The following CHST3 variants were observed in gnomAD, a reference collection of about 807,000 sequenced individuals.
CHST3 encodes the protein carbohydrate sulfotransferase 3, also known as C6ST-1.
CHST3 carries 20 observed loss-of-function variants against 35.4 expected under a neutral mutation model. The observed-to-expected ratio is 0.57, with a 90% CI of 0.40 to 0.82. The LOEUF (loss-of-function observed/expected upper bound fraction) is 0.82. CHST3 is among the 40% of genes least tolerant of loss of function. The pLI, the probability that CHST3 is intolerant of heterozygous loss-of-function variation, is 0.00. For missense variants in CHST3, 693 were observed against 670.1 expected, an observed-to-expected ratio of 1.03 and a Z score of -0.38; for synonymous variants, 334 against 295.9, an observed-to-expected ratio of 1.13 and a Z score of -1.32.
chr10:72,002,062 C>G (rs939597005), intron 1 of CHST3, among the ~76,000 whole-genome samples: 1 of 152,190 alleles, frequency 6.6e-6, no homozygotes, highest in South Asian at 2.1e-4. Context: ...ACCCTCTCCC[C>G]GCTTCTGGCT....
intron 1 of CHST3, among the ~76,000 whole-genome samples, chr10:71,971,964 A>G (rs1318881926): frequency 6.6e-6 from 1 of 152,056 alleles, no homozygotes; most frequent in East Asian, 1.9e-4. Context: ...GAGACATGCT[A>G]TTTCTCTTTC....
intron 1 of CHST3, among the ~76,000 whole-genome samples, chr10:71,985,717 A>AT (rs1839841659): frequency 1.3e-5 from 2 of 152,116 alleles, no homozygotes; most frequent in Admixed American, 6.6e-5. Context: ...GTAGATTCAC[A>AT]CGCAATTTTA....
Position 72,007,599 on chromosome 10 carries a change from G to A in CHST3, c.568G>A (p.Asp190Asn), listed in dbSNP as rs1840055638. 2.5e-6 allele frequency: 4 copies of A among 1,609,780 alleles called. No individual in the cohort carries two copies. Among genetic ancestry groups the A allele is most frequent in the East Asian group, 2.2e-5 (1 of 44,856 alleles). The change falls in exon 3 of 3, where the codon GAC (aspartate) becomes AAC (asparagine). Residue 190 changes from aspartate to asparagine, a missense_variant. Coordinates refer to ENST00000373115, the MANE Select transcript of CHST3 (RefSeq NM_004273.5). ...NAAGSALVYR[D>N]VLKQLFLCDL... ...CGCGGGCTCGGCCCTGGTGTACCGC[G>A]ACGTGCTCAAGCAGCTCTTCCTGTG...
chr10:71,999,629 G>A (rs1839972796), intron 1 of CHST3, among the ~76,000 whole-genome samples: 2 of 152,140 alleles, frequency 1.3e-5, no homozygotes, highest in Admixed American at 6.5e-5. Flanking sequence ...TGGCAGGGCC[G>A]TCCCTTATCA....
chr10:71,988,587 G>C (rs879226472), intron 1 of CHST3, among the ~76,000 whole-genome samples: 1 of 152,148 alleles, frequency 6.6e-6, no homozygotes, highest in Admixed American at 6.5e-5. Context: ...GCTCCCTGAG[G>C]CTTCACCAGA....
intron 1 of CHST3, among the ~76,000 whole-genome samples, chr10:71,979,515 A>T (rs1230163469): frequency 6.6e-6 from 1 of 151,426 alleles, no homozygotes; most frequent in South Asian, 2.1e-4. Flanking sequence ...GCCTTAAGGG[A>T]TGGGTGGAAT....
chr10:71,993,557 C>CTT (rs1839915969), intron 1 of CHST3, among the ~76,000 whole-genome samples: 1 of 152,240 alleles, frequency 6.6e-6, no homozygotes, highest in South Asian at 2.1e-4. Flanking sequence ...CACAAATGTT[C>CTT]TTACTGGCAT....
chr10:71,994,066 C>A (rs1839919723), intron 1 of CHST3, among the ~76,000 whole-genome samples: 1 of 151,996 alleles, frequency 6.6e-6, no homozygotes, highest in African/African-American at 2.4e-5. Context: ...CGCCACTATA[C>A]TCCAGCCTGG....
rs528429188 is a variant in CHST3 at position 72,013,416 on chromosome 10, T to A, written c.*4945T>A. 2 of 152,208 alleles carry A rather than the reference T, an allele frequency of 1.3e-5. No individual in the cohort carries two copies. Among genetic ancestry groups the A allele is most frequent in the African/African-American group, 4.8e-5 (2 of 41,538 alleles). The allele number at this position is 152,208 out of a possible 1,614,324, so 9.4% of individuals were successfully genotyped here. ...TGCCATGGCCACAGACAATCTGCCG[T>A]CTCCTGGAAACGCTGGGGCTGCCCT... On this transcript the variant is annotated 3_prime_UTR_variant, in exon 3 of 3. Transcript: ENST00000373115.
Position 72,008,018 on chromosome 10 carries a change from C to T in CHST3, c.987C>T (p.Gly329=), listed in dbSNP as rs1310489685. Residue 329 remains glycine (G), a synonymous_variant, in exon 3 of 3, where the codon GGC becomes GGT. Transcript: ENST00000373115. ...KTWKKWLDDE[G]QDGLREEEVQ... Reference sequence around the variant, plus strand: ...GGAAGAAGTGGCTGGACGACGAGGGCCAGGACGGCCTGAGGGAAGAGGAGG... The same window carrying T: ...GGAAGAAGTGGCTGGACGACGAGGGTCAGGACGGCCTGAGGGAAGAGGAGG... The T allele has an allele frequency of 1.9e-6, 3 of 1,549,376 alleles. No homozygotes were observed. Among genetic ancestry groups the T allele is most frequent in the Non-Finnish European group, 2.6e-6 (3 of 1,146,514 alleles).
At chr10:71,971,067 A>G (rs1029819200) in intron 1 of CHST3, among the ~76,000 whole-genome samples, 3 of 152,236 alleles carry the variant, frequency 2.0e-5, no homozygotes, top group African/African-American at 7.2e-5. Flanking sequence ...CAATTTACTT[A>G]GTGACCAACT....
At chr10:71,997,697 T>C (rs1839953949) in intron 1 of CHST3, among the ~76,000 whole-genome samples, 1 of 151,292 alleles carries the variant, frequency 6.6e-6, no homozygotes, top group South Asian at 2.1e-4. Flanking sequence ...TTTTTTTTTT[T>C]TTTTGAGACG....
intron 1 of CHST3, among the ~76,000 whole-genome samples, chr10:71,979,333 G>T (rs903854389): frequency 6.6e-6 from 1 of 152,192 alleles, no homozygotes; most frequent in South Asian, 2.1e-4. Context: ...AGAATTGGAG[G>T]TGTAAAAGGG....
intron 1 of CHST3, among the ~76,000 whole-genome samples, chr10:71,999,829 C>T (rs925103347): frequency 3.9e-5 from 6 of 152,312 alleles, no homozygotes; most frequent in Admixed American, 6.5e-5. Context: ...GGAGGGAAGC[C>T]GAAGCCTCAC....
intron 1 of CHST3, among the ~76,000 whole-genome samples, chr10:71,976,047 A>G (rs1839741885): frequency 6.6e-6 from 1 of 152,148 alleles, no homozygotes; most frequent in Admixed American, 6.5e-5. Context: ...TTGCCCTCTG[A>G]CACTGGGTAG....
intron 1 of CHST3, among the ~76,000 whole-genome samples, chr10:71,986,655 G>A (rs1009858602): frequency 3.9e-5 from 6 of 152,322 alleles, no homozygotes; most frequent in African/African-American, 1.4e-4. Flanking sequence ...GTCCCTGTAA[G>A]TAATGCTGGA....
intron 1 of CHST3, among the ~76,000 whole-genome samples, chr10:71,995,998 TA>T (rs1301136162): frequency 1.3e-5 from 2 of 152,304 alleles, no homozygotes; most frequent in South Asian, 2.1e-4. Flanking sequence ...CTGTGAAGCA[TA>T]ATAAAGCAAA....
intron 1 of CHST3, among the ~76,000 whole-genome samples, chr10:71,969,543 G>A (rs965474102): frequency 1.3e-5 from 2 of 152,212 alleles, no homozygotes; most frequent in African/African-American, 4.8e-5. Flanking sequence ...GCACTGCCCA[G>A]CTGATCCCTG....
At chr10:71,997,363 G>C (rs1160196100) in intron 1 of CHST3, among the ~76,000 whole-genome samples, 1 of 152,098 alleles carries the variant, frequency 6.6e-6, no homozygotes, top group Non-Finnish European at 1.5e-5. Context: ...GGGAGCATCC[G>C]TGTGGAAGAG....
Sources: allele counts gnomAD v4.1 joint callset (sites outside exome capture counted in the v4.1 genomes callset), GRCh38; gene constraint gnomAD v4.1.1; transcripts MANE v1.5; gene names NCBI Gene and HGNC (gene_info 2026-07-23, HGNC 2026-07-21).